NRXN1: variants seen among roughly 807,000 people sequenced by gnomAD.
NRXN1 encodes the protein neurexin-1.
Under a neutral mutation model 150.9 loss-of-function variants are expected in NRXN1, and 39 were observed. The ratio of observed to expected loss-of-function variants is 0.26; its 90% CI spans 0.20 to 0.34. The LOEUF is 0.34. Among genes scored for constraint, NRXN1 ranks in the 10% least tolerant of loss-of-function variants. NRXN1 has a pLI of 1.00. For missense variants in NRXN1, 1,815 were observed against 1,949.9 expected (o/e 0.93, Z 1.30); for synonymous variants, 924 against 757.0 (o/e 1.22, Z -3.62).
chr2:49,953,860 G>A (rs1674435674), intron 21 of NRXN1, among the ~76,000 whole-genome samples: 1 of 151,932 alleles, frequency 6.6e-6, no homozygotes, highest in Non-Finnish European at 1.5e-5. Flanking sequence ...CTGTCAGGGT[G>A]TGGGGGACAA....
chr2:50,633,042 T>C (rs1682619470), intron 5 of NRXN1: 1 of 152,132 alleles, frequency 6.6e-6, no homozygotes. Context: ...TAACTCCTGG[T>C]ATATTCTAAC....
intron 17 of NRXN1, among the ~76,000 whole-genome samples, chr2:50,411,553 C>T (rs1018091833): frequency 6.6e-6 from 1 of 152,058 alleles, no homozygotes; most frequent in East Asian, 1.9e-4. Context: ...GCGCCTCTGC[C>T]CGGCTGCGAC....
intron 21 of NRXN1, among the ~76,000 whole-genome samples, chr2:49,946,365 T>C (rs187356004): frequency 4.6e-4 from 70 of 152,318 alleles, no homozygotes; most frequent in African/African-American, 1.5e-3. Context: ...TAGTTTCTTT[T>C]GCTGGGCAGA....
chr2:50,104,528 G>C (rs1321979899), intron 18 of NRXN1, among the ~76,000 whole-genome samples: 1 of 152,006 alleles, frequency 6.6e-6, no homozygotes, highest in Non-Finnish European at 1.5e-5. Context: ...TATTCCAGAA[G>C]GGCAGGATTT....
intron 17 of NRXN1, among the ~76,000 whole-genome samples, chr2:50,262,864 TTTC>T (rs1216372768): frequency 2.0e-5 from 3 of 151,990 alleles, no homozygotes; most frequent in African/African-American, 7.2e-5. Context: ...ATTATAGCCA[TTTC>T]TTCTTTTGCA....
At chr2:50,119,264 A>G (rs1703508268) in intron 18 of NRXN1, among the ~76,000 whole-genome samples, 1 of 152,180 alleles carries the variant, frequency 6.6e-6, no homozygotes, top group Admixed American at 6.5e-5. Flanking sequence ...TTTTAAAAAT[A>G]ATTTTAAGAA....
intron 5 of NRXN1, among the ~76,000 whole-genome samples, chr2:50,894,093 T>C (rs906170743): frequency 6.6e-6 from 1 of 151,428 alleles, no homozygotes; most frequent in Non-Finnish European, 1.5e-5. Context: ...CTGTTGTGGG[T>C]TGGGGGGAGG....
intron 18 of NRXN1, among the ~76,000 whole-genome samples, chr2:50,098,839 T>G (rs12988601): frequency 4.3e-3 from 35 of 8,178 alleles, no homozygotes; most frequent in African/African-American, 0.017. Context: ...AGTTTTTTTT[T>G]TTTTTTTTTT....
intron 17 of NRXN1, among the ~76,000 whole-genome samples, chr2:50,432,923 C>G (rs542613088): frequency 6.6e-6 from 1 of 152,142 alleles, no homozygotes. Flanking sequence ...TTCCCATCCC[C>G]GATTTCCGAT....
intron 18 of NRXN1, among the ~76,000 whole-genome samples, chr2:50,125,082 C>T (rs190216283): frequency 0.011 from 1,635 of 145,784 alleles, 37 homozygotes; most frequent in African/African-American, 0.044. Flanking sequence ...GTTCTGACTA[C>T]TCCTTGAAAT....
chr2:50,260,999 A>T (rs1412842321), intron 17 of NRXN1, among the ~76,000 whole-genome samples: 1 of 151,726 alleles, frequency 6.6e-6, no homozygotes, highest in African/African-American at 2.4e-5. Flanking sequence ...TTGAAAAAGA[A>T]CAGAGAAAAA....
intron 18 of NRXN1, among the ~76,000 whole-genome samples, chr2:50,205,029 C>G (rs1486762642): frequency 2.6e-5 from 4 of 151,952 alleles, no homozygotes; most frequent in African/African-American, 9.7e-5. Context: ...AATATCAGTA[C>G]TATAAATACA....
intron 5 of NRXN1, among the ~76,000 whole-genome samples, chr2:50,856,047 T>C (rs1371234569): frequency 6.6e-6 from 1 of 150,714 alleles, no homozygotes; most frequent in Non-Finnish European, 1.5e-5. Flanking sequence ...TTTTCCACCA[T>C]GGAAAGCCTT....
At chr2:50,848,693 T>C (rs930230844) in intron 5 of NRXN1, among the ~76,000 whole-genome samples, 1 of 152,164 alleles carries the variant, frequency 6.6e-6, no homozygotes, top group Non-Finnish European at 1.5e-5. Context: ...ATGTCTCTTA[T>C]ACCCTAAAAT....
At chr2:50,306,572 G>T (rs1335796279) in intron 17 of NRXN1, among the ~76,000 whole-genome samples, 2 of 152,200 alleles carry the variant, frequency 1.3e-5, no homozygotes, top group African/African-American at 4.8e-5. Flanking sequence ...AGTAGGATTT[G>T]TTCTGTCAAT....
chr2:50,547,470 C>T (rs1295449225), intron 9 of NRXN1: 1 of 152,068 alleles, frequency 6.6e-6, no homozygotes, highest in Non-Finnish European at 1.5e-5. Flanking sequence ...AGCTAAATAC[C>T]TGGGCAGCTG....
chr2:50,108,838 A>T (rs1702007243), intron 18 of NRXN1, among the ~76,000 whole-genome samples: 2 of 152,136 alleles, frequency 1.3e-5, no homozygotes, highest in Admixed American at 1.3e-4. Context: ...TATGACAGGA[A>T]ATAAAAATAA....
intron 5 of NRXN1, among the ~76,000 whole-genome samples, chr2:50,832,462 G>C (rs1671539553): frequency 6.6e-6 from 1 of 152,126 alleles, no homozygotes; most frequent in Non-Finnish European, 1.5e-5. Context: ...AGATCCACCT[G>C]GCCAACATGG....
intron 2 of NRXN1, among the ~76,000 whole-genome samples, chr2:50,987,972 T>C (rs893153786): frequency 8.6e-5 from 13 of 152,016 alleles, no homozygotes; most frequent in African/African-American, 2.9e-4. Flanking sequence ...TAGGCCAGGT[T>C]CACTATATTC....
Sources: gnomAD v4.1 joint callset for allele counts (sites outside exome capture counted in the v4.1 genomes callset) on GRCh38, gnomAD v4.1.1 for gene constraint, MANE v1.5 for transcripts, NCBI Gene and HGNC (gene_info 2026-07-23, HGNC 2026-07-21) for gene names.